ARID1B: variants seen among roughly 807,000 people sequenced by gnomAD.
The protein encoded by ARID1B is AT-rich interaction domain 1B.
Under a neutral mutation model 212.3 loss-of-function variants are expected in ARID1B, and 30 were observed. The ratio of observed to expected loss-of-function variants is 0.14; its 90% CI spans 0.11 to 0.19. The LOEUF (loss-of-function observed/expected upper bound fraction) is 0.19. ARID1B is among the 10% of genes least tolerant of loss of function. The pLI, the probability that ARID1B is intolerant of heterozygous loss-of-function variation, is 1.00. For missense variants in ARID1B, 2,891 were observed against 3,204.0 expected, an observed-to-expected ratio of 0.90 and a Z score of 2.36; for synonymous variants, 1,402 against 1,301.7, an observed-to-expected ratio of 1.08 and a Z score of -1.66.
chr6:157,025,509 T>C (rs1780602731), intron 4 of ARID1B, among the ~76,000 whole-genome samples: 1 of 152,226 alleles, frequency 6.6e-6, no homozygotes, highest in African/African-American at 2.4e-5. Flanking sequence ...ACAGATCTGT[T>C]TTCTTTCTCT....
intron 7 of ARID1B, among the ~76,000 whole-genome samples, chr6:157,135,491 C>T (rs1788845566): frequency 6.6e-6 from 1 of 152,214 alleles, no homozygotes; most frequent in African/African-American, 2.4e-5. Flanking sequence ...TTGGGCACCC[C>T]TCCCAGCACC....
chr6:156,844,346 T>C (rs1784093360), intron 2 of ARID1B, among the ~76,000 whole-genome samples: 1 of 152,234 alleles, frequency 6.6e-6, no homozygotes, highest in Non-Finnish European at 1.5e-5. Context: ...ACTCTGTCTG[T>C]GTATCCAGAG....
intron 3 of ARID1B, among the ~76,000 whole-genome samples, chr6:156,910,976 A>G (rs1305394973): frequency 6.6e-6 from 1 of 152,262 alleles, no homozygotes; most frequent in Non-Finnish European, 1.5e-5. Context: ...AAAGAAGTAT[A>G]TAATAAAGTA....
chr6:156,834,842 G>T (rs1783390427), intron 2 of ARID1B, among the ~76,000 whole-genome samples: 2 of 152,182 alleles, frequency 1.3e-5, no homozygotes, highest in African/African-American at 4.8e-5. Context: ...AGGTTTACCA[G>T]CAAAATACAT....
intron 1 of ARID1B, among the ~76,000 whole-genome samples, chr6:156,805,501 A>G (rs1358474540): frequency 6.6e-6 from 1 of 152,166 alleles, no homozygotes; most frequent in Non-Finnish European, 1.5e-5. Context: ...GAAACCTAGC[A>G]GGTTTACACT....
intron 6 of ARID1B, among the ~76,000 whole-genome samples, chr6:157,132,532 G>A (rs935735422): frequency 3.3e-5 from 5 of 152,130 alleles, no homozygotes; most frequent in African/African-American, 9.7e-5. Context: ...ACACCAGAGG[G>A]GAGAAAAACA....
At chr6:157,077,696 T>A (rs1379838869) in intron 4 of ARID1B, among the ~76,000 whole-genome samples, 1 of 152,188 alleles carries the variant, frequency 6.6e-6, no homozygotes, top group Non-Finnish European at 1.5e-5. Flanking sequence ...ATCATAGAAT[T>A]TTCTGCACTT....
chr6:157,177,556 TAAAATA>T (rs891380812), intron 11 of ARID1B, among the ~76,000 whole-genome samples: 1 of 152,212 alleles, frequency 6.6e-6, no homozygotes, highest in African/African-American at 2.4e-5. Context: ...CAGAACATTC[TAAAATA>T]AAAATAAACA....
intron 4 of ARID1B, among the ~76,000 whole-genome samples, chr6:156,952,533 C>T (rs1203454737): frequency 6.6e-6 from 1 of 152,280 alleles, no homozygotes; most frequent in East Asian, 1.9e-4. Flanking sequence ...GGAAGAAGGT[C>T]GGGCTGCCGT....
intron 5 of ARID1B, among the ~76,000 whole-genome samples, chr6:157,088,703 C>A (rs1196847273): frequency 2.0e-5 from 3 of 152,172 alleles, no homozygotes; most frequent in Non-Finnish European, 1.5e-5. Flanking sequence ...TGCAAATACA[C>A]CTTCCTTTAG....
intron 4 of ARID1B, among the ~76,000 whole-genome samples, chr6:156,945,050 G>A (rs571669908): frequency 6.7e-6 from 1 of 149,188 alleles, no homozygotes; most frequent in East Asian, 2.0e-4. Flanking sequence ...AGCCTCCCGA[G>A]TAGCTGGGAC....
At position 157,201,297 on chromosome 6, in the gene ARID1B, C is replaced by G. The variant is rs1284190943; in HGVS notation, c.5072C>G (p.Ser1691Cys). The G allele has an allele frequency of 1.2e-6, 2 of 1,614,008 alleles. No individual in the cohort carries two copies. Among genetic ancestry groups the G allele is most frequent in the African/African-American group, 2.7e-5 (2 of 74,934 alleles). ...CAGCGCTCCCTGGAGAACCGCATGT[C>G]TCCAAGCAAGTCTCCTTTTCTGCCG... ...SFQRSLENRM[S>C]PSKSPFLPSM... Residue 1691 changes from serine (S) to cysteine (C), a missense_variant, in exon 18 of 20, where the codon TCT (serine) becomes TGT (cysteine). By Grantham distance (112) the Ser-to-Cys change is moderately radical (BLOSUM62 -1). Transcript: ENST00000636930. This position sits in a 1 kb window ranked among gnomAD's most constrained non-coding sequence, Gnocchi z 5.2.
At position 157,139,832 on chromosome 6, in the gene ARID1B, C is replaced by G. The variant is rs147307028; in HGVS notation, c.2761+6625C>G. On this transcript the variant is annotated intron_variant, in intron 7 of 19. Coordinates refer to ENST00000636930, the MANE Select transcript of ARID1B (RefSeq NM_001374828.1). ...CTGCCTCCTGGGTTCAAGCAATTTT[C>G]CTGCATCAGCCTCTGGGGTAGCTAG... Among the ~76,000 whole-genome samples the G allele has an allele frequency of 9.0e-3, 1,370 of 151,460 alleles. 24 individuals carry two copies. The highest frequency in any genetic ancestry group is 0.031 in the African/African-American group (1,295 of 41,232).
intron 3 of ARID1B, among the ~76,000 whole-genome samples, chr6:156,905,481 A>T (rs1038093974): frequency 2.0e-5 from 3 of 152,218 alleles, no homozygotes; most frequent in Non-Finnish European, 2.9e-5. Flanking sequence ...CACCCACATT[A>T]TGGAAAACAA....
chr6:156,907,794 G>GT (rs199842551), intron 3 of ARID1B, among the ~76,000 whole-genome samples: 6,936 of 151,132 alleles, frequency 0.046, 225 homozygotes, highest in Middle Eastern at 0.11. Flanking sequence ...TGTTATCCCA[G>GT]CTACTTGGGA....
chr6:157,016,897 C>T (rs892155686), intron 4 of ARID1B, among the ~76,000 whole-genome samples: 1 of 152,154 alleles, frequency 6.6e-6, no homozygotes, highest in Non-Finnish European at 1.5e-5. Context: ...GGGCATTTTA[C>T]TTGAAGTCAT....
chr6:156,873,648 G>A (rs1786318491), intron 2 of ARID1B, among the ~76,000 whole-genome samples: 1 of 152,240 alleles, frequency 6.6e-6, no homozygotes, highest in Non-Finnish European at 1.5e-5. Context: ...TTCAGCAAAT[G>A]CAATGGAGTC....
intron 1 of ARID1B, 31 bp downstream of exon 1, chr6:156,779,502 G>A (rs2115007922): frequency 3.1e-6 from 4 of 1,297,540 alleles, no homozygotes; most frequent in Admixed American, 3.4e-5. Flanking sequence ...GCCTGCTTCC[G>A]CCCGGCGGCC....
At chr6:157,117,490 T>G (rs1174542582) in intron 6 of ARID1B, among the ~76,000 whole-genome samples, 1 of 152,210 alleles carries the variant, frequency 6.6e-6, no homozygotes, top group African/African-American at 2.4e-5. Context: ...CATCTTTCTC[T>G]TACCTTTTCC....
Sources: allele counts gnomAD v4.1 joint callset (sites outside exome capture counted in the v4.1 genomes callset), GRCh38; gene constraint gnomAD v4.1.1; non-coding constraint Gnocchi (gnomAD v3.1); transcripts MANE v1.5; gene names NCBI Gene and HGNC (gene_info 2026-07-23, HGNC 2026-07-21).